Variants in LHFPL3 observed in about 807,000 individuals in gnomAD.
The protein encoded by LHFPL3 is LHFPL tetraspan subfamily member 3 protein.
LHFPL3 carries 5 observed loss-of-function variants against 19.3 expected under a neutral mutation model. That is an observed-to-expected ratio of 0.26 (90% CI 0.14 to 0.54). The LOEUF (loss-of-function observed/expected upper bound fraction) is 0.54. LHFPL3 is among the 20% of genes least tolerant of loss of function. The pLI, the probability that LHFPL3 is intolerant of heterozygous loss-of-function variation, is 0.94. For synonymous variants in LHFPL3, 133 were observed against 126.2 expected (o/e 1.05, Z -0.36); for missense variants, 249 against 307.4 (o/e 0.81, Z 1.42).
intron 2 of LHFPL3, among the ~76,000 whole-genome samples, chr7:104,856,137 G>A (rs1050368251): frequency 5.9e-5 from 9 of 152,092 alleles, no homozygotes; most frequent in Non-Finnish European, 1.2e-4. Context: ...CTCAAAGGAG[G>A]CCTGTCAGCT....
intron 1 of LHFPL3, among the ~76,000 whole-genome samples, chr7:104,596,354 A>G (rs1166784003): frequency 6.6e-6 from 1 of 152,230 alleles, no homozygotes; most frequent in Non-Finnish European, 1.5e-5. Flanking sequence ...TTGTTGAGAC[A>G]AATCATACAA....
chr7:104,728,742 G>T (rs1038602025), intron 1 of LHFPL3, among the ~76,000 whole-genome samples: 1 of 151,584 alleles, frequency 6.6e-6, no homozygotes, highest in Non-Finnish European at 1.5e-5. Flanking sequence ...CTCATTTTTC[G>T]CCTCTTCTCC....
intron 2 of LHFPL3, among the ~76,000 whole-genome samples, chr7:104,781,279 T>G (rs74320095): frequency 0.018 from 2,686 of 152,298 alleles, 77 homozygotes; most frequent in African/African-American, 0.06. Context: ...CCTTGTTTCC[T>G]ACTTCACAGG....
At chr7:104,516,586 C>T (rs59183784) in intron 1 of LHFPL3, among the ~76,000 whole-genome samples, 17 of 151,722 alleles carry the variant, frequency 1.1e-4, no homozygotes, top group African/African-American at 4.1e-4. Context: ...GAATCAAAAC[C>T]ACAGTGAGAT....
intron 1 of LHFPL3, among the ~76,000 whole-genome samples, chr7:104,368,753 C>A (rs187300819): frequency 1.1e-5 from 1 of 93,026 alleles, no homozygotes; most frequent in East Asian, 3.1e-4. Flanking sequence ...TGGATAACTT[C>A]TTTTGGCTGT....
At position 104,474,645 on chromosome 7, in the gene LHFPL3, C is replaced by T. The variant is rs140011160; in HGVS notation, c.445+145421C>T. The stretch of plus-strand genomic sequence containing the variant: ...TTGTGCCTCTGCACTCCAGCCTGGG[C>T]GACAGAGCAAGACTCCATCACAACG... On this transcript the variant is annotated intron_variant, in intron 1 of 2. Transcript: ENST00000424859. 2.2e-3 allele frequency among the ~76,000 whole-genome samples: 293 copies of T among 132,156 alleles called. 1 individual carries two copies. The highest frequency in any genetic ancestry group is 7.9e-3 in the African/African-American group (269 of 34,254). 86.7% of individuals were successfully genotyped at this position (132,156 alleles called of 152,430 possible).
At chr7:104,417,890 T>TC in intron 1 of LHFPL3, among the ~76,000 whole-genome samples, 3 of 148,362 alleles carry the variant, frequency 2.0e-5, no homozygotes, top group African/African-American at 7.6e-5. Flanking sequence ...TCTTCTTTTT[T>TC]TTTTTTTTTT....
At chr7:104,411,457 G>A (rs1415268009) in intron 1 of LHFPL3, among the ~76,000 whole-genome samples, 1 of 152,018 alleles carries the variant, frequency 6.6e-6, no homozygotes, top group South Asian at 2.1e-4. Context: ...ATGTTTTATT[G>A]TATGTTTTTG....
intron 1 of LHFPL3, among the ~76,000 whole-genome samples, chr7:104,631,253 T>C (rs1325632467): frequency 6.6e-6 from 1 of 151,522 alleles, no homozygotes; most frequent in Non-Finnish European, 1.5e-5. Context: ...CTGGAATATC[T>C]TGCCCTCTCA....
chr7:104,566,686 C>T (rs1790131867), intron 1 of LHFPL3, among the ~76,000 whole-genome samples: 1 of 152,098 alleles, frequency 6.6e-6, no homozygotes, highest in Non-Finnish European at 1.5e-5. Flanking sequence ...TGAAACTGGA[C>T]CAGTTTTGCA....
At chr7:104,807,375 C>T (rs185537532) in intron 2 of LHFPL3, among the ~76,000 whole-genome samples, 23 of 152,210 alleles carry the variant, frequency 1.5e-4, no homozygotes, top group South Asian at 4.2e-4. Context: ...TCAATCCTGC[C>T]GACACCTCGA....
At chr7:104,423,725 A>C (rs751365854) in intron 1 of LHFPL3, among the ~76,000 whole-genome samples, 1 of 150,716 alleles carries the variant, frequency 6.6e-6, no homozygotes, top group African/African-American at 2.5e-5. Context: ...AGACTACAGG[A>C]TGTTTGAGTT....
chr7:104,703,569 C>T (rs961574653), intron 1 of LHFPL3, among the ~76,000 whole-genome samples: 1 of 152,252 alleles, frequency 6.6e-6, no homozygotes, highest in African/African-American at 2.4e-5. Flanking sequence ...TTTGCATTAC[C>T]TAGGTTTATC....
intron 2 of LHFPL3, among the ~76,000 whole-genome samples, chr7:104,870,822 C>T (rs1340489794): frequency 6.6e-6 from 1 of 152,084 alleles, no homozygotes; most frequent in East Asian, 1.9e-4. Flanking sequence ...CGCAGCCACC[C>T]CAAAATCTGC....
chr7:104,477,125 G>A (rs1435572785), intron 1 of LHFPL3, among the ~76,000 whole-genome samples: 1 of 152,126 alleles, frequency 6.6e-6, no homozygotes, highest in African/African-American at 2.4e-5. Flanking sequence ...AAGTAGCTGA[G>A]ACCACAGGCT....
intron 1 of LHFPL3, among the ~76,000 whole-genome samples, chr7:104,562,092 C>G (rs1308903397): frequency 6.7e-5 from 10 of 150,168 alleles, no homozygotes; most frequent in Non-Finnish European, 1.2e-4. Context: ...GTAACCCGAC[C>G]TTTCTCTCTG....
At chr7:104,625,928 A>T (rs1338178605) in intron 1 of LHFPL3, among the ~76,000 whole-genome samples, 1 of 152,088 alleles carries the variant, frequency 6.6e-6, no homozygotes, top group Admixed American at 6.6e-5. Context: ...TTCCAAAACA[A>T]CACCCCTGCT....
chr7:104,850,019 T>C (rs1388758895), intron 2 of LHFPL3, among the ~76,000 whole-genome samples: 1 of 152,226 alleles, frequency 6.6e-6, no homozygotes, highest in Admixed American at 6.5e-5. Flanking sequence ...GTGGTTTTTT[T>C]AGGCCGGGCG....
chr7:104,786,058 A>C (rs1789905288), intron 2 of LHFPL3, among the ~76,000 whole-genome samples: 1 of 152,196 alleles, frequency 6.6e-6, no homozygotes, highest in Admixed American at 6.5e-5. Flanking sequence ...AAGACCGTCC[A>C]CTATTCCCAA....
Sources: allele counts gnomAD v4.1 joint callset (sites outside exome capture counted in the v4.1 genomes callset), GRCh38; gene constraint gnomAD v4.1.1; transcripts MANE v1.5; gene names NCBI Gene and HGNC (gene_info 2026-07-23, HGNC 2026-07-21).